Variants in PTPRR observed in about 807,000 individuals in gnomAD.
PTPRR encodes the protein receptor-type tyrosine-protein phosphatase R.
Under a neutral mutation model 77.2 loss-of-function variants are expected in PTPRR, and 38 were observed. The ratio of observed to expected loss-of-function variants is 0.49; its 90% CI spans 0.38 to 0.65. The LOEUF (loss-of-function observed/expected upper bound fraction) is 0.65, where lower values mean the gene tolerates loss of function less well. PTPRR is among the 30% of genes least tolerant of loss of function. PTPRR has a pLI of 0.00. For missense variants in PTPRR, 744 were observed against 799.2 expected (o/e 0.93, Z 0.83); for synonymous variants, 299 against 283.1 (o/e 1.06, Z -0.57).
intron 2 of PTPRR, among the ~76,000 whole-genome samples, chr12:70,854,940 C>T (rs555035671): frequency 1.3e-5 from 2 of 152,124 alleles, no homozygotes; most frequent in Admixed American, 6.5e-5. Flanking sequence ...ATATTAATAT[C>T]GGCAGGCAGG....
At chr12:70,747,408 ATATAT>A (rs1344546734) in intron 5 of PTPRR, among the ~76,000 whole-genome samples, 7 of 152,222 alleles carry the variant, frequency 4.6e-5, no homozygotes, top group African/African-American at 1.4e-4. Context: ...AAGATAAGGC[ATATAT>A]TATATATTTT....
intron 2 of PTPRR, among the ~76,000 whole-genome samples, chr12:70,884,386 G>A (rs1466158255): frequency 6.6e-6 from 1 of 152,052 alleles, no homozygotes; most frequent in Non-Finnish European, 1.5e-5. Context: ...GACAAAGAAG[G>A]AAAGAAAGAA....
intron 2 of PTPRR, among the ~76,000 whole-genome samples, chr12:70,883,746 G>GA (rs1183051517): frequency 2.6e-5 from 4 of 151,576 alleles, no homozygotes; most frequent in East Asian, 1.9e-4. Flanking sequence ...ACCCTCCCAG[G>GA]AAAAAAAATG....
At chr12:70,674,193 C>A (rs1470299136) in intron 10 of PTPRR, among the ~76,000 whole-genome samples, 1 of 152,088 alleles carries the variant, frequency 6.6e-6, no homozygotes, top group Non-Finnish European at 1.5e-5. Flanking sequence ...ACTCAGCCTC[C>A]CAAAGTGCTG....
intron 2 of PTPRR, among the ~76,000 whole-genome samples, chr12:70,808,274 G>A (rs1891747113): frequency 6.6e-6 from 1 of 152,118 alleles, no homozygotes; most frequent in South Asian, 2.1e-4. Context: ...GACAATGCGT[G>A]CACAGTGGGA....
Position 70,892,771 on chromosome 12 carries a change from C to G in PTPRR, c.265G>C (p.Ala89Pro). ...AGCAGATTGAGAGACGGGTCATATG[C>G]GGGTCTAGGAAATGCTGAATTGACA... ...QIVNSAFPRP[A>P]YDPSLNLLAM... Residue 89 changes from alanine to proline, a missense_variant, in exon 2 of 14, where the codon GCA becomes CCA. Coordinates refer to ENST00000283228, the MANE Select transcript of PTPRR (RefSeq NM_002849.4). 6.2e-7 allele frequency: 1 copy of G among 1,613,244 alleles called. No individual in the cohort carries two copies. Among genetic ancestry groups the G allele is most frequent in the Non-Finnish European group, 8.5e-7 (1 of 1,179,440 alleles).
chr12:70,782,693 G>T (rs1019850899), intron 2 of PTPRR, among the ~76,000 whole-genome samples: 4 of 152,128 alleles, frequency 2.6e-5, no homozygotes, highest in East Asian at 3.9e-4. Flanking sequence ...GTTGTGGGGT[G>T]GGGGGAGTGG....
chr12:70,693,207 C>CTGCTT (rs1888112780), intron 8 of PTPRR, among the ~76,000 whole-genome samples: 1 of 152,176 alleles, frequency 6.6e-6, no homozygotes, highest in African/African-American at 2.4e-5. Context: ...TGCTTAGAAA[C>CTGCTT]AGTTTCCCTG....
chr12:70,679,536 A>C (rs1887578400), intron 10 of PTPRR, among the ~76,000 whole-genome samples: 1 of 152,128 alleles, frequency 6.6e-6, no homozygotes, highest in African/African-American at 2.4e-5. Flanking sequence ...TCTTTCTTTA[A>C]TCTAATAAAT....
intron 2 of PTPRR, among the ~76,000 whole-genome samples, chr12:70,820,211 CTG>C (rs1891979479): frequency 1.3e-5 from 2 of 152,314 alleles, no homozygotes; most frequent in South Asian, 4.1e-4. Context: ...AGACACCACT[CTG>C]TTCTATTGTC....
At chr12:70,708,043 T>C (rs1384924102) in intron 6 of PTPRR, among the ~76,000 whole-genome samples, 3 of 152,094 alleles carry the variant, frequency 2.0e-5, no homozygotes, top group African/African-American at 7.2e-5. Context: ...CAAATGTGCT[T>C]GCCCCAACAC....
At chr12:70,700,761 T>G (rs1888392128) in intron 7 of PTPRR, among the ~76,000 whole-genome samples, 1 of 152,032 alleles carries the variant, frequency 6.6e-6, no homozygotes, top group African/African-American at 2.4e-5. Flanking sequence ...AAGGCTAGGG[T>G]TTCTTTTATA....
chr12:70,747,122 A>G (rs186271349), intron 5 of PTPRR, among the ~76,000 whole-genome samples: 101 of 152,316 alleles, frequency 6.6e-4, no homozygotes, highest in Admixed American at 2.7e-3. Flanking sequence ...GATGGAAAAG[A>G]CTGAAGATGA....
At chr12:70,716,387 A>C in intron 6 of PTPRR, among the ~76,000 whole-genome samples, 1 of 152,150 alleles carries the variant, frequency 6.6e-6, no homozygotes, top group Non-Finnish European at 1.5e-5. Flanking sequence ...TTTGTAAATT[A>C]TATACATGTA....
chr12:70,668,530 T>G lies in PTPRR; in HGVS notation c.1498-5925A>C, dbSNP rs2136690526. The stretch of plus-strand genomic sequence containing the variant: ...TTACCTTTTACTCTACTTTTTAAGC[T>G]AATTATAAATGATAGAGAAGATATA... On this transcript the variant is annotated intron_variant, in intron 10 of 13. Transcript: ENST00000283228. 2.0e-5 allele frequency among the ~76,000 whole-genome samples: 3 copies of G among 152,348 alleles called. No homozygotes were observed. The Middle Eastern group carries it at 0.01, about 518-fold the overall frequency.
rs533163304 is a variant in PTPRR, at chr12:70,703,035, C to T, written c.1008-1712G>A. 2.6e-5 allele frequency among the ~76,000 whole-genome samples: 4 copies of T among 151,034 alleles called. No individual in the cohort carries two copies. The South Asian group carries it at 6.3e-4, about 24-fold the overall frequency. The stretch of plus-strand genomic sequence containing the variant: ...CTTTATTCCAACCTATTCTTTCCTT[C>T]CTTTTTTTTTTTCTACTGGATTTGT... On this transcript the variant is annotated intron_variant, in intron 6 of 13. Transcript: ENST00000283228.
At chr12:70,894,262 A>T (rs1435673556) in intron 1 of PTPRR, among the ~76,000 whole-genome samples, 5 of 151,690 alleles carry the variant, frequency 3.3e-5, no homozygotes, top group Non-Finnish European at 7.4e-5. Flanking sequence ...TTTCTTGCAA[A>T]TTTCAGCTAT....
intron 4 of PTPRR, chr12:70,754,741 C>A: frequency 6.4e-7 from 1 of 1,561,104 alleles, no homozygotes; most frequent in Non-Finnish European, 8.6e-7. Flanking sequence ...CAAGTGCAAA[C>A]AAAAGCTTGT....
intron 1 of PTPRR, among the ~76,000 whole-genome samples, chr12:70,905,277 T>A (rs2137130963): frequency 6.6e-6 from 1 of 151,610 alleles, no homozygotes; most frequent in East Asian, 1.9e-4. Context: ...CATAAGAGAG[T>A]GAGGACTAGG....
Sources: gnomAD v4.1 joint callset for allele counts (sites outside exome capture counted in the v4.1 genomes callset) on GRCh38, gnomAD v4.1.1 for gene constraint, MANE v1.5 for transcripts, NCBI Gene and HGNC (gene_info 2026-07-23, HGNC 2026-07-21) for gene names.